The following PIEZO1 variants were observed in gnomAD, a reference collection of about 807,000 sequenced individuals.
The protein encoded by PIEZO1 is piezo-type mechanosensitive ion channel component 1.
In PIEZO1, 296 loss-of-function variants were observed where a neutral mutation model predicts 297.2. The ratio of observed to expected loss-of-function variants is 1.00; its 90% CI spans 0.91 to 1.10. PIEZO1 has a LOEUF of 1.10. Among genes scored for constraint, PIEZO1 ranks in the 50% least tolerant of loss-of-function variants. The pLI, the probability that PIEZO1 is intolerant of heterozygous loss-of-function variation, is 0.00. For missense variants in PIEZO1, 5,018 were observed against 3,455.5 expected, an observed-to-expected ratio of 1.45 and a Z score of -11.34; for synonymous variants, 2,427 against 1,507.5, an observed-to-expected ratio of 1.61 and a Z score of -14.13.
chr16:88,738,073 G>A lies in PIEZO1; in HGVS notation c.881C>T (p.Thr294Ile), dbSNP rs930725947. The A allele has an allele frequency of 3.3e-6, 5 of 1,535,718 alleles. No homozygotes were observed. The highest frequency in any genetic ancestry group is 3.5e-6 in the Non-Finnish European group (4 of 1,146,852). ...CAGCGCGTGGGGGCTGGAGCAGTTGGTGGGACCCACGAAGTCCTTGAGACC... is the reference window on the plus strand; with the variant it reads ...CAGCGCGTGGGGGCTGGAGCAGTTGATGGGACCCACGAAGTCCTTGAGACC... ...VLGLKDFVGP[T>I]NCSSPHALVL... The change falls in exon 8 of 51, where the codon ACC becomes ATC. Residue 294 changes from threonine (T) to isoleucine (I), a missense_variant. Thr to Ile is a moderately conservative substitution (Grantham distance 89, BLOSUM62 -1). Transcript: ENST00000301015.
intron 1 of PIEZO1, among the ~76,000 whole-genome samples, chr16:88,771,392 A>G (rs999486741): frequency 1.3e-5 from 2 of 152,046 alleles, no homozygotes; most frequent in African/African-American, 4.8e-5. Context: ...GGCGACAACA[A>G]GAAACCAGGC....
chr16:88,784,134 G>A (rs1262832932), intron 1 of PIEZO1, among the ~76,000 whole-genome samples: 1 of 152,228 alleles, frequency 6.6e-6, no homozygotes, highest in African/African-American at 2.4e-5. Flanking sequence ...TTCGCGAAAG[G>A]GGCACCACTG....
At position 88,730,113 on chromosome 16, in the gene PIEZO1, C is replaced by G. The variant is rs114408213; in HGVS notation, c.3196+1593G>C. ...CGGTGATGCTCGAAAGCAGATGTTT[C>G]AACAAGGAAGAGCTGGAGGGCCCAG... On this transcript the variant is annotated intron_variant, in intron 22 of 50. Coordinates refer to ENST00000301015, the MANE Select transcript of PIEZO1 (RefSeq NM_001142864.4). 3.7e-3 allele frequency among the ~76,000 whole-genome samples: 569 copies of G among 152,366 alleles called. 2 individuals are homozygous for G. The highest frequency in any genetic ancestry group is 0.013 in the African/African-American group (551 of 41,594).
intron 1 of PIEZO1, among the ~76,000 whole-genome samples, chr16:88,766,069 G>A (rs971844027): frequency 7.2e-5 from 11 of 152,348 alleles, no homozygotes; most frequent in East Asian, 1.9e-4. Context: ...AGTCGGCAGC[G>A]TGGGTGCCGT....
At position 88,720,324 on chromosome 16, in the gene PIEZO1, G is replaced by T. The variant is rs1408683088; in HGVS notation, c.5950-41C>A. 4 of 1,549,954 alleles carry T rather than the reference G, an allele frequency of 2.6e-6. No individual in the cohort carries two copies. The South Asian group carries it at 3.6e-5, about 14-fold the overall frequency. On this transcript the variant is annotated intron_variant, in intron 41 of 50. Coordinates refer to ENST00000301015, the MANE Select transcript of PIEZO1 (RefSeq NM_001142864.4). ...CACAGGTCAGGGGGAGCCAAGCCCA[G>T]GGGATGTGGGTGGCTGCTGAGCTCT...
chr16:88,742,668 ACAG>A (rs1479044024), intron 2 of PIEZO1: 18 of 503,248 alleles, frequency 3.6e-5, no homozygotes, highest in African/African-American at 2.7e-4. Flanking sequence ...CCTGGGGCCC[ACAG>A]GCAGGAAAAG....
chr16:88,754,251 C>T (rs1373401882), intron 1 of PIEZO1, among the ~76,000 whole-genome samples: 1 of 152,134 alleles, frequency 6.6e-6, no homozygotes, highest in Non-Finnish European at 1.5e-5. Context: ...TGCTGGGCCC[C>T]TGGGTGTCCA....
chr16:88,785,017 G>T lies in PIEZO1; in HGVS notation c.-53C>A. 1.8e-6 allele frequency: 2 copies of T among 1,105,490 alleles called. No homozygotes were observed. Among genetic ancestry groups the T allele is most frequent in the South Asian group, 8.4e-5 (2 of 23,780 alleles). The allele number at this position is 1,105,490 out of a possible 1,614,324, so 68.5% of individuals were successfully genotyped here. A position where few individuals can be genotyped will look rare whatever the true frequency, so the allele number is the denominator to read the frequency against. On this transcript the variant is annotated 5_prime_UTR_variant, in exon 1 of 51. Transcript: ENST00000301015. The stretch of plus-strand genomic sequence containing the variant: ...ACCGAGCGGACGCCGCGGCGCTATG[G>T]GGCGGTGCGGGGGCCCCGGGGCCGG...
At chr16:88,734,096 T>C (rs1905053952) in intron 16 of PIEZO1, 42 bp from the exon 17 acceptor site, 3 of 1,472,350 alleles carry the variant, frequency 2.0e-6, no homozygotes, top group Admixed American at 2.4e-5. Flanking sequence ...ACTGGGTTCC[T>C]GCCCCTCATT....
At chr16:88,726,144 C>T (rs557808833) in intron 27 of PIEZO1, 140 bp downstream of exon 27, 3 of 685,884 alleles carry the variant, frequency 4.4e-6, no homozygotes, top group South Asian at 1.9e-5. Context: ...CCTTCATTCT[C>T]CCTCTAGATG....
rs1484462576 is a variant in PIEZO1, at chr16:88,738,425, G to A, written c.650C>T (p.Ser217Leu). The A allele has an allele frequency of 3.9e-6, 6 of 1,535,654 alleles. No homozygotes were observed. The highest frequency in any genetic ancestry group is 1.4e-5 in the African/African-American group (1 of 73,062). ...CAGCAGGTAGACACTGGAGAGGGCC[G>A]AGGGGTGGGCGATGCCTGCGGGGCA... is the stretch of plus-strand genomic sequence containing the variant. ...LLALAGIAHP[S>L]ALSSVYLLLF... The change falls in exon 7 of 51, where the codon TCG becomes TTG. Residue 217 changes from serine to leucine, a missense_variant. Transcript: ENST00000301015.
chr16:88,717,924 A>C (rs950711046), intron 44 of PIEZO1: 1 of 385,542 alleles, frequency 2.6e-6, no homozygotes, highest in African/African-American at 2.1e-5. Context: ...CTGGCCAAAA[A>C]TACAAAAGAC....
Position 88,726,631 on chromosome 16 carries a change from C to G in PIEZO1, c.3712G>C (p.Val1238Leu). The G allele has an allele frequency of 6.9e-7, 1 of 1,453,726 alleles. No homozygotes were observed. Among genetic ancestry groups the G allele is most frequent in the Non-Finnish European group, 9.3e-7 (1 of 1,077,898 alleles). 90.1% of individuals were successfully genotyped at this position (1,453,726 alleles called of 1,614,324 possible). A position where few individuals can be genotyped will look rare whatever the true frequency, so the allele number is the denominator to read the frequency against. Residue 1238 changes from valine (V) to leucine (L), a missense_variant, in exon 26 of 51, where the codon GTC (valine) becomes CTC (leucine). By Grantham distance (32) the Val-to-Leu change is conservative. Coordinates refer to ENST00000301015, the MANE Select transcript of PIEZO1 (RefSeq NM_001142864.4). ...SKNMLSLLAC[V>L]FVEQMQTGFC... ...CCGGTCTGCATCTGCTCCACGAAGA[C>G]GCAGGCCAGGAGCTGGGGGAGAGCA...
Position 88,733,959 on chromosome 16 carries a change from C to G in PIEZO1, c.2276G>C (p.Arg759Thr), listed in dbSNP as rs1031929260. 5.2e-6 allele frequency: 8 copies of G among 1,547,738 alleles called. No individual in the cohort carries two copies. In the East Asian group the frequency reaches 2.0e-4, roughly 38 times the overall value. ...AGTGGCCACGCCCAGCCCCTCGTCC[C>G]TGGAGTCCTCCTCCTCCTCCTCCTC... ...QEEEEEEEDSRDEGLGVATPH... is the reference protein window; with the variant it reads ...QEEEEEEEDSTDEGLGVATPH... The change falls in exon 17 of 51, where the codon AGG (arginine) becomes ACG (threonine). Residue 759 changes from arginine (R) to threonine (T), a missense_variant. By Grantham distance (71) the Arg-to-Thr change is moderately conservative. Transcript: ENST00000301015.
In PIEZO1 at chr16:88,736,229, C is replaced by T. The variant is rs1224440003; in HGVS notation, c.1476G>A (p.Leu492=). 2 of 1,550,014 alleles carry T rather than the reference C, an allele frequency of 1.3e-6. No homozygotes were observed. Among genetic ancestry groups the T allele is most frequent in the Non-Finnish European group, 1.7e-6 (2 of 1,146,792 alleles). ...GGCTGACGGGGCCCAGGGTGGTGGGCAGCTCAGGGCGCAGGTCCATGGCCC... is the reference window on the plus strand; with the variant it reads ...GGCTGACGGGGCCCAGGGTGGTGGGTAGCTCAGGGCGCAGGTCCATGGCCC... ...YVWAMDLRPE[L]PTTLGPVSLR... Residue 492 remains leucine, a synonymous_variant, in exon 12 of 51, where the codon CTG becomes CTA. Coordinates refer to ENST00000301015, the MANE Select transcript of PIEZO1 (RefSeq NM_001142864.4).
At chr16:88,744,162 G>T (rs1244256118) in intron 2 of PIEZO1, 1 of 159,852 alleles carries the variant, frequency 6.3e-6, no homozygotes, top group Non-Finnish European at 1.4e-5. Flanking sequence ...CCTCTGTACA[G>T]CAGGGTCACC....
At position 88,738,360 on chromosome 16, in the gene PIEZO1, G is replaced by T. The variant is rs777483750; in HGVS notation, c.715C>A (p.Pro239Thr). Residue 239 changes from proline (P) to threonine (T), a missense_variant, in exon 7 of 51, where the codon CCC becomes ACC. Coordinates refer to ENST00000301015, the MANE Select transcript of PIEZO1 (RefSeq NM_001142864.4). Reference protein sequence around the residue: ...ALCTWWACHFPISTRGFSRLC... With the variant: ...ALCTWWACHFTISTRGFSRLC... ...CTGCTGAAGCCCCGAGTGCTGATGG[G>T]AAAGTGGCAGGCCCACCAGGTGCAG... 9 of 1,535,776 alleles carry T rather than the reference G, an allele frequency of 5.9e-6. No individual in the cohort carries two copies. The South Asian group carries it at 9.5e-5, about 16-fold the overall frequency.
chr16:88,728,826 C>G (rs377578070), intron 22 of PIEZO1, among the ~76,000 whole-genome samples: 11 of 18,864 alleles, frequency 5.8e-4, no homozygotes, highest in African/African-American at 2.2e-3. Context: ...AGTGACCCTC[C>G]ATGCTGGGGA....
chr16:88,724,247 C>T (rs1008260396), intron 30 of PIEZO1, among the ~76,000 whole-genome samples: 2 of 152,200 alleles, frequency 1.3e-5, no homozygotes, highest in Non-Finnish European at 1.5e-5. Context: ...AAAAACAGAA[C>T]AGGCCGGGCA....
Sources: allele counts gnomAD v4.1 joint callset (sites outside exome capture counted in the v4.1 genomes callset), GRCh38; gene constraint gnomAD v4.1.1; transcripts MANE v1.5; gene names NCBI Gene and HGNC (gene_info 2026-07-23, HGNC 2026-07-21).